Variants in ESS2 observed in about 807,000 individuals in gnomAD.
ESS2 encodes the protein splicing factor ESS-2 homolog.
ESS2 carries 31 observed loss-of-function variants against 52.0 expected under a neutral mutation model. The observed-to-expected ratio is 0.60, with a 90% CI of 0.45 to 0.81. The LOEUF is 0.81. Among genes scored for constraint, ESS2 ranks in the 30% least tolerant of loss-of-function variants. The pLI, the probability that ESS2 is intolerant of heterozygous loss-of-function variation, is 0.00. For synonymous variants in ESS2, 285 were observed against 259.2 expected (o/e 1.10, Z -0.95); for missense variants, 602 against 637.2 (o/e 0.94, Z 0.59).
At chr22:19,143,408 A>G (rs1283224309) in intron 1 of ESS2, among the ~76,000 whole-genome samples, 2 of 152,046 alleles carry the variant, frequency 1.3e-5, no homozygotes, top group East Asian at 3.9e-4. Context: ...TGCAACCTCT[A>G]ACATTACTAA....
intron 8 of ESS2, 37 bp downstream of exon 8, chr22:19,137,286 C>T (rs745468055): frequency 1.3e-6 from 2 of 1,508,354 alleles, no homozygotes; most frequent in Non-Finnish European, 1.8e-6. Flanking sequence ...AGGTGTCCAC[C>T]CCGGTCGCAC....
At position 19,131,694 on chromosome 22, in the gene ESS2, CTCGAGT is replaced by C; in HGVS notation, c.*2496_*2501del. The C allele has an allele frequency of 6.2e-7, 1 of 1,614,096 alleles. No homozygotes were observed. Among genetic ancestry groups the C allele is most frequent in the Non-Finnish European group, 8.5e-7 (1 of 1,179,978 alleles). On this transcript the variant is annotated 3_prime_UTR_variant, in exon 10 of 10. Transcript: ENST00000252137. This position sits in a 1 kb window ranked among gnomAD's most constrained non-coding sequence, Gnocchi z 5.7. ...GGAGCTTGGCGTCCAGGGCGACCTC[CTCGAGT>C]TCATCAAGTGCCAGGGAGCCCTGCA...
chr22:19,132,040 T>C lies in ESS2; in HGVS notation c.*2156A>G. 6.2e-7 allele frequency: 1 copy of C among 1,614,090 alleles called. No individual in the cohort carries two copies. The highest frequency in any genetic ancestry group is 8.5e-7 in the Non-Finnish European group (1 of 1,180,002). ...CTGTACATCATGGTCTGCGGCTCCA[T>C]GCCCTATGACGACTCCGACATCAGG... On this transcript the variant is annotated 3_prime_UTR_variant, in exon 10 of 10. Coordinates refer to ENST00000252137, the MANE Select transcript of ESS2 (RefSeq NM_022719.3). The surrounding 1 kb of genome is among the most constrained non-coding windows in gnomAD (Gnocchi z 4.2).
chr22:19,139,799 C>T, intron 4 of ESS2, 56 bp downstream of exon 4: 1 of 1,613,626 alleles, frequency 6.2e-7, no homozygotes, highest in Non-Finnish European at 8.5e-7. Flanking sequence ...CCTGGGGCTC[C>T]CCAACCACCA....
At chr22:19,134,909 G>T in intron 9 of ESS2, 151 bp downstream of exon 9, 1 of 657,528 alleles carries the variant, frequency 1.5e-6, no homozygotes. Flanking sequence ...GCTCTGGATA[G>T]AGGAGCTGCC....
intron 1 of ESS2, among the ~76,000 whole-genome samples, chr22:19,143,865 TAAAATA>T (rs886409172): frequency 4.6e-5 from 7 of 152,042 alleles, no homozygotes; most frequent in Non-Finnish European, 8.8e-5. Flanking sequence ...TCTCAAAAAA[TAAAATA>T]AAAATAAACC....
intron 3 of ESS2, among the ~76,000 whole-genome samples, chr22:19,141,698 T>C (rs2083688865): frequency 6.6e-6 from 1 of 152,110 alleles, no homozygotes; most frequent in African/African-American, 2.4e-5. Flanking sequence ...TTTAAAACGT[T>C]ATGTCTTGGC....
rs989638459 is a variant in ESS2, at chr22:19,132,346, G to T, written c.*1850C>A. ...GACCACCGGCCCGACCACAAGCTTG[G>T]AGCCAAAACCCAGCACCGGCTGCTG... On this transcript the variant is annotated 3_prime_UTR_variant, in exon 10 of 10. Transcript: ENST00000252137. The surrounding 1 kb of genome is among the most constrained non-coding windows in gnomAD (Gnocchi z 4.2). The T allele has an allele frequency of 6.2e-7, 1 of 1,613,132 alleles. No homozygotes were observed. Among genetic ancestry groups the T allele is most frequent in the African/African-American group, 1.3e-5 (1 of 75,018 alleles).
At chr22:19,141,785 C>T (rs991376056) in intron 3 of ESS2, among the ~76,000 whole-genome samples, 1 of 152,114 alleles carries the variant, frequency 6.6e-6, no homozygotes, top group Non-Finnish European at 1.5e-5. Context: ...GTCAGGAGTT[C>T]AAGACTAGCC....
In ESS2 at chr22:19,131,381, G is replaced by A. The variant is rs367612676; in HGVS notation, c.*2815C>T. The A allele has an allele frequency of 7.0e-6, 11 of 1,566,840 alleles. No homozygotes were observed. The highest frequency in any genetic ancestry group is 3.6e-5 in the Admixed American group (2 of 55,164). ...ACGGGGGGATGTAGACGGCAGCGGC[G>A]CCAGTCGCTCCTGGCACCATGGACG... On this transcript the variant is annotated 3_prime_UTR_variant, in exon 10 of 10. Transcript: ENST00000252137. The surrounding 1 kb of genome is among the most constrained non-coding windows in gnomAD (Gnocchi z 5.7).
chr22:19,135,095 C>CT lies in ESS2; in HGVS notation c.1115dup (p.Glu373GlyfsTer186), dbSNP rs1489446081. 5 of 1,614,100 alleles carry CT rather than the reference C, an allele frequency of 3.1e-6. No individual in the cohort carries two copies. The highest frequency in any genetic ancestry group is 4.2e-6 in the Non-Finnish European group (5 of 1,180,004). On this transcript the variant is annotated frameshift_variant, in exon 9 of 10. Transcript: ENST00000252137. LOFTEE classifies it high-confidence loss of function. ...TCTCCGTCACTCTCCGCAAGGCTTC[C>CT]TGCTTCTTGGCCCGGTTCTTGGCAG...
intron 8 of ESS2, among the ~76,000 whole-genome samples, chr22:19,137,102 C>T (rs2083595796): frequency 6.6e-6 from 1 of 152,140 alleles, no homozygotes; most frequent in African/African-American, 2.4e-5. Context: ...GGGCCCAAGC[C>T]ACTCCCTGCC....
chr22:19,134,669 A>T (rs1335212902), intron 9 of ESS2, among the ~76,000 whole-genome samples, 194 bp from the exon 10 acceptor site: 1 of 152,004 alleles, frequency 6.6e-6, no homozygotes, highest in African/African-American at 2.4e-5. Context: ...GTCAAACCTG[A>T]GGTCAAACAG....
Position 19,142,346 on chromosome 22 carries a change from T to C in ESS2, c.400+192A>G, listed in dbSNP as rs181462239. Among the ~76,000 whole-genome samples, 709 of 152,304 alleles carry C rather than the reference T, an allele frequency of 4.7e-3. 4 individuals are homozygous for C. The highest frequency in any genetic ancestry group is 8.3e-3 in the Non-Finnish European group (566 of 68,024). ...AGTCCCATTTCACAGAGGCGAGCCA[T>C]GTGTGGGAGCTGGACCCAGATGTTC... On this transcript the variant is annotated intron_variant, in intron 3 of 9. Coordinates refer to ENST00000252137, the MANE Select transcript of ESS2 (RefSeq NM_022719.3).
At chr22:19,142,676 C>A (rs774952854) in intron 2 of ESS2, 43 bp from the exon 3 acceptor site, 1 of 1,609,110 alleles carries the variant, frequency 6.2e-7, no homozygotes, top group Non-Finnish European at 8.5e-7. Context: ...GAGCCTGAAG[C>A]GACAGTTCAG....
chr22:19,139,473 TAGAC>T lies in ESS2; in HGVS notation c.688+135_688+138del, dbSNP rs1569110074. 1.6e-5 allele frequency: 19 copies of T among 1,220,348 alleles called. No individual in the cohort carries two copies. In the South Asian group the frequency reaches 2.1e-4, roughly 14 times the overall value. The allele number at this position is 1,220,348 out of a possible 1,614,324, so 75.6% of individuals were successfully genotyped here. ...GACCTCACACAGACCTGTCCACCCT[TAGAC>T]AGACCAGTACCCATCAGAAGCCCAA... On this transcript the variant is annotated intron_variant, in intron 5 of 9. Coordinates refer to ENST00000252137, the MANE Select transcript of ESS2 (RefSeq NM_022719.3).
At chr22:19,139,323 G>A (rs1477423891) in intron 5 of ESS2, 31 bp from the exon 6 acceptor site, 13 of 1,553,896 alleles carry the variant, frequency 8.4e-6, no homozygotes, top group African/African-American at 1.4e-5. Flanking sequence ...AGCAGCAGGT[G>A]TCAGAAGGGC....
chr22:19,132,582 G>A lies in ESS2; in HGVS notation c.*1614C>T, dbSNP rs1163063374. On this transcript the variant is annotated 3_prime_UTR_variant, in exon 10 of 10. Coordinates refer to ENST00000252137, the MANE Select transcript of ESS2 (RefSeq NM_022719.3). The surrounding 1 kb of genome is among the most constrained non-coding windows in gnomAD (Gnocchi z 4.2). ...GCAGGTAGGATCTGAAGAAGGCACA[G>A]GTGCAAGTAAAATTCGTCAATTAAA... 4.3e-6 allele frequency: 5 copies of A among 1,168,690 alleles called. No individual in the cohort carries two copies. The highest frequency in any genetic ancestry group is 3.7e-6 in the Non-Finnish European group (3 of 818,608). 72.4% of individuals were successfully genotyped at this position (1,168,690 alleles called of 1,614,324 possible).
rs775019033 is a variant in ESS2, at chr22:19,132,381, G to C, written c.*1815C>G. 2 of 1,613,024 alleles carry C rather than the reference G, an allele frequency of 1.2e-6. No homozygotes were observed. Among genetic ancestry groups the C allele is most frequent in the Non-Finnish European group, 1.7e-6 (2 of 1,180,040 alleles). ...CCAGCACCGGCTGCTGGTGGTGCCC[G>C]AGAACGAGAACAGGATGGAGGACAG... is the stretch of plus-strand genomic sequence containing the variant. On this transcript the variant is annotated 3_prime_UTR_variant, in exon 10 of 10. Transcript: ENST00000252137. This position sits in a 1 kb window ranked among gnomAD's most constrained non-coding sequence, Gnocchi z 4.2.
Sources: gnomAD v4.1 joint callset for allele counts (sites outside exome capture counted in the v4.1 genomes callset) on GRCh38, gnomAD v4.1.1 for gene constraint, Gnocchi (gnomAD v3.1) non-coding constraint, MANE v1.5 for transcripts, NCBI Gene and HGNC (gene_info 2026-07-23, HGNC 2026-07-21) for gene names.